The following DMD variants were observed in gnomAD, a reference collection of about 807,000 sequenced individuals.
DMD encodes the protein mutant dystrophin.
Under a neutral mutation model 330.1 loss-of-function variants are expected in DMD, and 63 were observed. The observed-to-expected ratio is 0.19, with a 90% CI of 0.16 to 0.24. The LOEUF (loss-of-function observed/expected upper bound fraction) is 0.24. Among genes scored for constraint, DMD ranks in the 10% least tolerant of loss-of-function variants. The pLI is 1.00. For missense variants in DMD, 3,344 were observed against 2,684.1 expected, an observed-to-expected ratio of 1.25 and a Z score of -5.43; for synonymous variants, 1,223 against 959.8, an observed-to-expected ratio of 1.27 and a Z score of -5.07.
chrX:31,206,507 T>G, intron 66 of DMD, 75 bp downstream of exon 66: 2 of 867,506 alleles, frequency 2.3e-6, no homozygotes, highest in Non-Finnish European at 3.4e-6. Context: ...AAGAACAGTC[T>G]GTCATTTCCC....
Position 31,644,857 on chromosome X carries a change from A to G in DMD, c.8027+13133T>C, listed in dbSNP as rs182597191. ...TATGGGTTGGCCAGGGTTACTCTACATGAGAAGTGTATGGGGGTTTACTCA... is the reference window on the plus strand; with the variant it reads ...TATGGGTTGGCCAGGGTTACTCTACGTGAGAAGTGTATGGGGGTTTACTCA... On this transcript the variant is annotated intron_variant, in intron 54 of 78. Coordinates refer to ENST00000357033, the MANE Select transcript of DMD (RefSeq NM_004006.3). 4.6e-3 allele frequency among the ~76,000 whole-genome samples: 515 copies of G among 111,736 alleles called. 3 individuals carry two copies. The highest frequency in any genetic ancestry group is 6.7e-3 in the Non-Finnish European group (358 of 53,080).
intron 18 of DMD, among the ~76,000 whole-genome samples, chrX:32,504,684 T>C (rs748962456): frequency 1.8e-5 from 2 of 111,399 alleles, no homozygotes; most frequent in Non-Finnish European, 3.8e-5. Context: ...AACACAGCAT[T>C]ATGGTTGAAA....
intron 7 of DMD, among the ~76,000 whole-genome samples, chrX:32,800,605 C>G (rs1302803725): frequency 9.0e-6 from 1 of 111,065 alleles, no homozygotes; most frequent in Non-Finnish European, 1.9e-5. Context: ...ATGTGCAGAA[C>G]GTGCAGGTTT....
intron 21 of DMD, 133 bp from the exon 22 acceptor site, chrX:32,472,442 T>C (rs2148487052): frequency 8.2e-6 from 5 of 608,367 alleles, no homozygotes; most frequent in South Asian, 5.7e-5. Context: ...CTGAAAAATA[T>C]ATTTAATATG....
chrX:31,367,329 G>A (rs2059317602), intron 60 of DMD, among the ~76,000 whole-genome samples: 1 of 110,766 alleles, frequency 9.0e-6, no homozygotes, highest in African/African-American at 3.3e-5. Flanking sequence ...AAGATTTTTG[G>A]GGGCCTTTAA....
intron 17 of DMD, among the ~76,000 whole-genome samples, chrX:32,542,107 T>C (rs2048539470): frequency 9.1e-6 from 1 of 110,455 alleles, no homozygotes; most frequent in South Asian, 3.9e-4. Flanking sequence ...AGAGCCAGGC[T>C]CGAATCAATG....
Position 32,356,506 on chromosome X carries a change from T to C in DMD, c.5325+6282A>G, listed in dbSNP as rs148770066. ...ATATTACAGTTGTAATACATATATA[T>C]AGAAACTGCTACATGAATTTTAGCA... On this transcript the variant is annotated intron_variant, in intron 37 of 78. Coordinates refer to ENST00000357033, the MANE Select transcript of DMD (RefSeq NM_004006.3). 8.3e-3 allele frequency among the ~76,000 whole-genome samples: 909 copies of C among 109,887 alleles called. 4 individuals carry two copies. Among genetic ancestry groups the C allele is most frequent in the Non-Finnish European group, 0.013 (703 of 52,692 alleles).
intron 2 of DMD, among the ~76,000 whole-genome samples, chrX:32,959,091 G>A (rs771808174): frequency 1.3e-4 from 14 of 111,898 alleles, no homozygotes; most frequent in Admixed American, 1.9e-4. Context: ...TAATTATGAA[G>A]TTTGTAAGTA....
chrX:31,748,785 C>A, intron 51 of DMD, among the ~76,000 whole-genome samples: 1 of 111,593 alleles, frequency 9.0e-6, no homozygotes, highest in Non-Finnish European at 1.9e-5. Context: ...GTACTTACAC[C>A]CTTTTATAGA....
chrX:32,397,409 C>T (rs774934832), intron 30 of DMD, among the ~76,000 whole-genome samples: 101 of 111,721 alleles, frequency 9.0e-4, no homozygotes, highest in Non-Finnish European at 1.1e-3. Flanking sequence ...CACATATGCT[C>T]TATGAGGTGT....
chrX:32,315,458 T>C (rs1434168972), intron 41 of DMD, among the ~76,000 whole-genome samples: 1 of 110,322 alleles, frequency 9.1e-6, no homozygotes, highest in Non-Finnish European at 1.9e-5. Context: ...GGAACATGTA[T>C]ACCTATGCAA....
intron 7 of DMD, among the ~76,000 whole-genome samples, chrX:32,726,829 A>T (rs947042767): frequency 9.0e-6 from 1 of 110,752 alleles, no homozygotes; most frequent in Admixed American, 9.7e-5. Flanking sequence ...TTATAAATAT[A>T]TAAGATGATG....
At chrX:33,101,495 G>A (rs1485645552) in intron 1 of DMD, among the ~76,000 whole-genome samples, 1 of 111,980 alleles carries the variant, frequency 8.9e-6, no homozygotes, top group African/African-American at 3.2e-5. Context: ...GCTGGGCGTG[G>A]TGGCACATGC....
In DMD at chrX:32,034,385, C is replaced by T. The variant is rs1369133849; in HGVS notation, c.6439-65871G>A. Among the ~76,000 whole-genome samples the T allele has an allele frequency of 2.7e-5, 3 of 111,473 alleles. No individual in the cohort carries two copies. The East Asian group carries it at 8.4e-4, about 31-fold the overall frequency. ...TAAATGTAATTGAATAACCTATGTC[C>T]TATAAACATAAACTTGACTATAGAG... On this transcript the variant is annotated intron_variant, in intron 44 of 78. Coordinates refer to ENST00000357033, the MANE Select transcript of DMD (RefSeq NM_004006.3).
At chrX:32,567,016 C>G (rs1249787449) in intron 15 of DMD, among the ~76,000 whole-genome samples, 1 of 112,018 alleles carries the variant, frequency 8.9e-6, no homozygotes, top group Non-Finnish European at 1.9e-5. Flanking sequence ...CACAAATGCA[C>G]CAATTGCCCA....
chrX:31,404,675 G>A (rs1268265228), intron 60 of DMD, among the ~76,000 whole-genome samples: 1 of 111,551 alleles, frequency 9.0e-6, no homozygotes, highest in African/African-American at 3.3e-5. Flanking sequence ...CATGGAATGA[G>A]GTAAAAGCAT....
At position 32,452,304 on chromosome X, in the gene DMD, G is replaced by GGAAAGTGAAAGTGAAAGT. The variant is rs1194944157; in HGVS notation, c.3603+2340_3603+2357dup. On this transcript the variant is annotated intron_variant, in intron 26 of 78. Transcript: ENST00000357033. Reference sequence around the variant, plus strand: ...AAAAGAAAGGAAAGGAAAAGGAAAGGGAAAGTGAAAGTGAAAGTGAAAGTG... The same window carrying GGAAAGTGAAAGTGAAAGT: ...AAAAGAAAGGAAAGGAAAAGGAAAGGGAAAGTGAAAGTGAAAGTGAAAGTGAAAGTGAAAGTGAAAGTG... 2.5e-4 allele frequency among the ~76,000 whole-genome samples: 6 copies of GGAAAGTGAAAGTGAAAGT among 23,794 alleles called. 1 individual carries two copies. The highest frequency in any genetic ancestry group is 4.1e-4 in the Non-Finnish European group (6 of 14,510). The allele number at this position is 23,794 out of a possible 115,157, so 20.7% of individuals were successfully genotyped here.
chrX:31,959,017 C>T (rs1055432319), intron 45 of DMD, among the ~76,000 whole-genome samples: 2 of 111,411 alleles, frequency 1.8e-5, no homozygotes, highest in African/African-American at 6.5e-5. Context: ...AAGGGATCAT[C>T]CTAGAATTGT....
intron 26 of DMD, among the ~76,000 whole-genome samples, chrX:32,450,354 T>C (rs894346981): frequency 9.0e-6 from 1 of 111,543 alleles, no homozygotes; most frequent in African/African-American, 3.2e-5. Context: ...TTGTTTTGTC[T>C]ATAGAATGCT....
Sources: gnomAD v4.1 joint callset for allele counts (sites outside exome capture counted in the v4.1 genomes callset) on GRCh38, gnomAD v4.1.1 for gene constraint, MANE v1.5 for transcripts, NCBI Gene and HGNC (gene_info 2026-07-23, HGNC 2026-07-21) for gene names.